The following SH3D19 variants were observed in gnomAD, a reference collection of about 807,000 sequenced individuals.
SH3D19 encodes the protein SH3 domain-containing protein 19.
In SH3D19, 58 loss-of-function variants were observed where a neutral mutation model predicts 112.1. That is an observed-to-expected ratio of 0.52 (90% CI 0.42 to 0.64). The LOEUF (loss-of-function observed/expected upper bound fraction) is 0.64. Among genes scored for constraint, SH3D19 ranks in the 30% least tolerant of loss-of-function variants. SH3D19 has a pLI of 0.00. For missense variants in SH3D19, 1,090 were observed against 1,263.4 expected, an observed-to-expected ratio of 0.86 and a Z score of 2.08; for synonymous variants, 391 against 448.5, an observed-to-expected ratio of 0.87 and a Z score of 1.62.
chr4:151,243,684 T>A (rs142802851), intron 1 of SH3D19, among the ~76,000 whole-genome samples: 107 of 152,372 alleles, frequency 7.0e-4, no homozygotes, highest in Non-Finnish European at 9.7e-4. Context: ...CATGAGACAC[T>A]AGATCTGTAT....
chr4:151,256,463 T>C (rs1013397996), intron 1 of SH3D19, among the ~76,000 whole-genome samples: 1 of 152,212 alleles, frequency 6.6e-6, no homozygotes, highest in Admixed American at 6.5e-5. Flanking sequence ...AATACTTCAA[T>C]TAAATTAGTT....
chr4:151,302,700 A>C (rs1176781023), intron 1 of SH3D19, among the ~76,000 whole-genome samples: 1 of 152,230 alleles, frequency 6.6e-6, no homozygotes, highest in Non-Finnish European at 1.5e-5. Context: ...TCATACTGTC[A>C]ATGAAGAATC....
chr4:151,163,045 C>T (rs1386875063), intron 8 of SH3D19, among the ~76,000 whole-genome samples: 2 of 152,130 alleles, frequency 1.3e-5, no homozygotes, highest in Non-Finnish European at 2.9e-5. Flanking sequence ...CCTGACCAGC[C>T]CCCAATAAAA....
intron 1 of SH3D19, among the ~76,000 whole-genome samples, chr4:151,232,596 CAG>C (rs1209925406): frequency 6.6e-6 from 1 of 152,110 alleles, no homozygotes; most frequent in Non-Finnish European, 1.5e-5. Context: ...ATCTACAAAA[CAG>C]GGGAAAATAC....
At chr4:151,258,809 G>T (rs369027132) in intron 1 of SH3D19, among the ~76,000 whole-genome samples, 70 of 152,278 alleles carry the variant, frequency 4.6e-4, no homozygotes, top group East Asian at 3.5e-3. Flanking sequence ...CCCCTTCTCT[G>T]GGTGTTCCCC....
At chr4:151,146,955 A>C (rs185858638) in intron 11 of SH3D19, among the ~76,000 whole-genome samples, 83 of 152,224 alleles carry the variant, frequency 5.5e-4, no homozygotes, top group African/African-American at 2.0e-3. Context: ...TAACTATTAA[A>C]TGGACCACGA....
Position 151,133,224 on chromosome 4 carries a change from A to G in SH3D19, c.2499T>C (p.Cys833=). The stretch of plus-strand genomic sequence containing the variant: ...CTCCAATATATTCAAACCGAGCAAC[A>G]CATCTTGAGCCTCTGAATGAAGAAC... ...VSSHCVKGSR[C]VARFEYIGEQ... is the part of the protein sequence containing the mutation. Residue 833 remains cysteine (C), a synonymous_variant, in exon 16 of 20, where the codon TGT becomes TGC. Coordinates refer to ENST00000604030, the MANE Select transcript of SH3D19 (RefSeq NM_001378122.1). The G allele has an allele frequency of 6.2e-7, 1 of 1,614,112 alleles. No homozygotes were observed. Among genetic ancestry groups the G allele is most frequent in the Non-Finnish European group, 8.5e-7 (1 of 1,179,992 alleles).
At position 151,133,006 on chromosome 4, in the gene SH3D19, C is replaced by T. The variant is rs367550387; in HGVS notation, c.2689+28G>A. 20 of 1,573,202 alleles carry T rather than the reference C, an allele frequency of 1.3e-5. No homozygotes were observed. In the African/African-American group the frequency reaches 1.6e-4, roughly 13 times the overall value. On this transcript the variant is annotated intron_variant, in intron 16 of 19. Transcript: ENST00000604030. ...TTGGTTTATTTGAATTAGGACATAA[C>T]ATAATAAAAAAAATTCTCTATACTC...
chr4:151,236,236 G>C (rs1175474481), intron 1 of SH3D19, among the ~76,000 whole-genome samples: 1 of 152,294 alleles, frequency 6.6e-6, no homozygotes, highest in Non-Finnish European at 1.5e-5. Context: ...AGCTCGTGGA[G>C]AGGTGCAAGC....
At chr4:151,207,892 ACTT>A (rs1245416716) in intron 2 of SH3D19, among the ~76,000 whole-genome samples, 1 of 152,184 alleles carries the variant, frequency 6.6e-6, no homozygotes, top group Non-Finnish European at 1.5e-5. Context: ...GTCAGAAAGA[ACTT>A]CTGGGTTACA....
At chr4:151,154,228 G>A (rs1755636910) in intron 9 of SH3D19, among the ~76,000 whole-genome samples, 1 of 151,672 alleles carries the variant, frequency 6.6e-6, no homozygotes, top group African/African-American at 2.4e-5. Context: ...CGCTTCCCAG[G>A]TTCAAGCGAT....
chr4:151,282,669 T>C (rs1410026320), intron 1 of SH3D19, among the ~76,000 whole-genome samples: 1 of 152,218 alleles, frequency 6.6e-6, no homozygotes, highest in Non-Finnish European at 1.5e-5. Context: ...TAACTACCTC[T>C]CTCAAACAGA....
intron 1 of SH3D19, among the ~76,000 whole-genome samples, chr4:151,251,078 T>C (rs1215417053): frequency 6.6e-6 from 1 of 152,172 alleles, no homozygotes; most frequent in Non-Finnish European, 1.5e-5. Context: ...CACCAGACCT[T>C]AGGCACTACT....
chr4:151,299,580 C>CA (rs369585943), intron 1 of SH3D19, among the ~76,000 whole-genome samples: 5,337 of 92,760 alleles, frequency 0.058, 595 homozygotes, highest in African/African-American at 0.21. Context: ...AACTCCGTCT[C>CA]AAAAAAAAAA....
chr4:151,172,673 A>T (rs1254617298), intron 7 of SH3D19, among the ~76,000 whole-genome samples: 10 of 152,166 alleles, frequency 6.6e-5, no homozygotes, highest in African/African-American at 1.2e-4. Context: ...AAATGAGGAA[A>T]CAGAGGCACT....
chr4:151,179,183 C>G (rs970944649), intron 4 of SH3D19, among the ~76,000 whole-genome samples, 172 bp downstream of exon 4: 3 of 152,224 alleles, frequency 2.0e-5, no homozygotes, highest in African/African-American at 4.8e-5. Flanking sequence ...CACTCCTTCT[C>G]TCAAGCAAAA....
intron 3 of SH3D19, among the ~76,000 whole-genome samples, chr4:151,183,376 T>C (rs1000891694): frequency 6.6e-6 from 1 of 152,160 alleles, no homozygotes; most frequent in Non-Finnish European, 1.5e-5. Flanking sequence ...ATGTGCAGTA[T>C]TACCACCAAT....
intron 1 of SH3D19, among the ~76,000 whole-genome samples, chr4:151,230,736 A>G (rs1301175409): frequency 1.3e-5 from 2 of 151,874 alleles, no homozygotes; most frequent in African/African-American, 4.8e-5. Flanking sequence ...GCATGCCACC[A>G]TGCCCGGCTA....
At chr4:151,132,891 A>C (rs1751024026) in intron 16 of SH3D19, 143 bp downstream of exon 16, 1 of 764,182 alleles carries the variant, frequency 1.3e-6, no homozygotes, top group South Asian at 2.0e-5. Context: ...TGTCTATCCC[A>C]CACAAATTCC....
Sources: gnomAD v4.1 joint callset for allele counts (sites outside exome capture counted in the v4.1 genomes callset) on GRCh38, gnomAD v4.1.1 for gene constraint, MANE v1.5 for transcripts, NCBI Gene and HGNC (gene_info 2026-07-23, HGNC 2026-07-21) for gene names.